ADPGK: variants seen among roughly 807,000 people sequenced by gnomAD.
ADPGK encodes ADP-dependent glucokinase.
In ADPGK, 26 loss-of-function variants were observed where a neutral mutation model predicts 42.4. That is an observed-to-expected ratio of 0.61 (90% CI 0.45 to 0.85). ADPGK has a LOEUF of 0.85. Among genes scored for constraint, ADPGK ranks in the 40% least tolerant of loss-of-function variants. ADPGK has a pLI of 0.00. For missense variants in ADPGK, 571 were observed against 627.0 expected (o/e 0.91, Z 0.95); for synonymous variants, 267 against 252.6 (o/e 1.06, Z -0.54).
intron 2 of ADPGK, 66 bp downstream of exon 2, chr15:72,774,806 T>A (rs1595802949): frequency 6.9e-7 from 1 of 1,445,312 alleles, no homozygotes; most frequent in South Asian, 1.3e-5. Flanking sequence ...CTTGCTTGCT[T>A]CTAGGAACCA....
In ADPGK at chr15:72,752,379, C is replaced by G. The variant is rs753835013; in HGVS notation, c.1456G>C (p.Glu486Gln). ...TVGLGDAISA[E>Q]GLFYSEVHPH... ...TGTACTTCCGAATAGAAGAGTCCTTCGGCTGAAATGGCATCTCCAAGGCCT... is the reference window on the plus strand; with the variant it reads ...TGTACTTCCGAATAGAAGAGTCCTTGGGCTGAAATGGCATCTCCAAGGCCT... Residue 486 changes from glutamate to glutamine, a missense_variant, in exon 7 of 7, where the codon GAA becomes CAA. Around this residue, in one of 2 missense-constraint regions of ADPGK, gnomAD observed 434 missense variants for 522.7 expected, o/e 0.83. Coordinates refer to ENST00000456471, the MANE Select transcript of ADPGK (RefSeq NM_001365225.1). 1 of 1,614,010 alleles carries G rather than the reference C, an allele frequency of 6.2e-7. No individual in the cohort carries two copies. Among genetic ancestry groups the G allele is most frequent in the African/African-American group, 1.3e-5 (1 of 74,940 alleles).
At chr15:72,774,848 T>C (rs1048940385) in intron 2 of ADPGK, 24 bp downstream of exon 2, 1 of 1,581,520 alleles carries the variant, frequency 6.3e-7, no homozygotes, top group Non-Finnish European at 8.6e-7. Flanking sequence ...CACCCTTAAT[T>C]TACTATTGCT....
At chr15:72,758,356 G>A (rs371426093) in intron 4 of ADPGK, 39 of 600,504 alleles carry the variant, frequency 6.5e-5, no homozygotes, top group Admixed American at 9.5e-5. Flanking sequence ...AAACCTCTGC[G>A]TAGTGACTCA....
intron 5 of ADPGK, 35 bp downstream of exon 5, chr15:72,756,216 C>A (rs1221782269): frequency 1.2e-6 from 2 of 1,611,604 alleles, no homozygotes; most frequent in Non-Finnish European, 1.7e-6. Context: ...AAACCACCAG[C>A]TGAGATCTGT....
At chr15:72,757,814 T>C in intron 4 of ADPGK, 1 of 355,578 alleles carries the variant, frequency 2.8e-6, no homozygotes, top group Non-Finnish European at 5.2e-6. Context: ...CCTTGAATAG[T>C]GACACTGCTA....
chr15:72,755,388 A>C (rs1235023326), intron 6 of ADPGK, among the ~76,000 whole-genome samples, 168 bp downstream of exon 6: 1 of 152,230 alleles, frequency 6.6e-6, no homozygotes, highest in Non-Finnish European at 1.5e-5. Context: ...CTGTTTCAGA[A>C]CAGTCCTGGA....
chr15:72,755,059 G>C (rs1162336390), intron 6 of ADPGK, among the ~76,000 whole-genome samples: 1 of 152,194 alleles, frequency 6.6e-6, no homozygotes, highest in Admixed American at 6.5e-5. Context: ...TAACTTGCCT[G>C]AGTTCATGAA....
intron 1 of ADPGK, among the ~76,000 whole-genome samples, chr15:72,778,482 G>A (rs2066416755): frequency 6.6e-6 from 1 of 152,070 alleles, no homozygotes; most frequent in South Asian, 2.1e-4. Context: ...CATCTGACAT[G>A]CAAGCAGAAG....
At chr15:72,778,520 A>G (rs1409690062) in intron 1 of ADPGK, among the ~76,000 whole-genome samples, 10 of 152,138 alleles carry the variant, frequency 6.6e-5, no homozygotes, top group Admixed American at 2.0e-4. Flanking sequence ...AATGTATATT[A>G]GATGACTGTG....
At chr15:72,759,808 A>C (rs1320538608) in intron 4 of ADPGK, among the ~76,000 whole-genome samples, 2 of 152,218 alleles carry the variant, frequency 1.3e-5, no homozygotes, top group African/African-American at 4.8e-5. Flanking sequence ...CCAGATGCCT[A>C]ATCTACGTAA....
At chr15:72,756,640 C>G in intron 4 of ADPGK, 193 bp from the exon 5 acceptor site, 1 of 612,506 alleles carries the variant, frequency 1.6e-6, no homozygotes, top group South Asian at 2.1e-5. Context: ...TAAACCCAAA[C>G]CCAGCCAAGA....
intron 6 of ADPGK, among the ~76,000 whole-genome samples, chr15:72,753,123 A>G (rs1595785852): frequency 6.6e-6 from 1 of 152,326 alleles, no homozygotes; most frequent in Non-Finnish European, 1.5e-5. Flanking sequence ...TTTCAGATGC[A>G]GTCTTTTGTG....
At chr15:72,763,879 T>C (rs1369803012) in intron 3 of ADPGK, among the ~76,000 whole-genome samples, 4 of 152,252 alleles carry the variant, frequency 2.6e-5, no homozygotes, top group Non-Finnish European at 5.9e-5. Flanking sequence ...ATGTCTGTTA[T>C]GGTGATCAGT....
chr15:72,760,677 G>T, intron 3 of ADPGK, 150 bp from the exon 4 acceptor site: 1 of 1,119,306 alleles, frequency 8.9e-7, no homozygotes, highest in Non-Finnish European at 1.2e-6. Flanking sequence ...TGTTGGTCTG[G>T]AGGTGTGCGG....
At position 72,756,263 on chromosome 15, in the gene ADPGK, C is replaced by T; in HGVS notation, c.828G>A (p.Lys276=). 1 of 1,614,230 alleles carries T rather than the reference C, an allele frequency of 6.2e-7. No homozygotes were observed. Among genetic ancestry groups the T allele is most frequent in the Non-Finnish European group, 8.5e-7 (1 of 1,180,034 alleles). ...MEGQSKELQR[K]RLLEVVTSIS... ...ACAGTGCCATTACCTCCAAGAGTCTCTTCCTCTGGAGCTCCTTGCTTTGTC... is the reference window on the plus strand; with the variant it reads ...ACAGTGCCATTACCTCCAAGAGTCTTTTCCTCTGGAGCTCCTTGCTTTGTC... The change falls in exon 5 of 7, where the codon AAG becomes AAA. Residue 276 remains lysine, a synonymous_variant. Coordinates refer to ENST00000456471, the MANE Select transcript of ADPGK (RefSeq NM_001365225.1).
At position 72,756,486 on chromosome 15, in the gene ADPGK, G is replaced by A; in HGVS notation, c.644-39C>T. The A allele has an allele frequency of 2.5e-6, 4 of 1,608,502 alleles. No individual in the cohort carries two copies. The South Asian group carries it at 3.3e-5, about 13-fold the overall frequency. On this transcript the variant is annotated intron_variant, in intron 4 of 6. Transcript: ENST00000456471. ...GTCAACACAATGGGAAGAAAAGGAA[G>A]AGGCTTTAGGTCTCCTAGCTGTGGG...
At chr15:72,765,675 T>C (rs563232404) in intron 3 of ADPGK, among the ~76,000 whole-genome samples, 1 of 152,324 alleles carries the variant, frequency 6.6e-6, no homozygotes, top group South Asian at 2.1e-4. Flanking sequence ...GGACGCCTTT[T>C]GAGATTCAAG....
rs777127837 is a variant in ADPGK, at chr15:72,755,636, C to G, written c.859G>C (p.Asp287His). The change falls in exon 6 of 7, where the codon GAC becomes CAC. Residue 287 changes from aspartate to histidine, a missense_variant. By Grantham distance (81) the Asp-to-His change is moderately conservative (BLOSUM62 -1). This residue lies in a region of ADPGK where 434 missense variants were observed against 522.7 expected (regional missense o/e 0.83). Transcript: ENST00000456471. ...RLLEVVTSIS[D>H]IPTGIPVHLE... Reference sequence around the variant, plus strand: ...TGAACTGGAATACCAGTGGGGATGTCAGAAATGGAGGTTACAACCTGCAAA... The same window carrying G: ...TGAACTGGAATACCAGTGGGGATGTGAGAAATGGAGGTTACAACCTGCAAA... 6.7e-5 allele frequency: 108 copies of G among 1,613,662 alleles called. No homozygotes were observed. The highest frequency in any genetic ancestry group is 8.7e-5 in the Non-Finnish European group (103 of 1,179,774).
At position 72,771,828 on chromosome 15, in the gene ADPGK, A is replaced by G; in HGVS notation, c.477T>C (p.Asn159=). ...FPGAQHYVGG[N]AALIGQKFAA... is the part of the protein sequence containing the mutation. Reference sequence around the variant, plus strand: ...CAAATTTCTGTCCAATTAAAGCTGCATTTCCTCCTACATAGTGCTGTAAGA... The same window carrying G: ...CAAATTTCTGTCCAATTAAAGCTGCGTTTCCTCCTACATAGTGCTGTAAGA... The change falls in exon 3 of 7, where the codon AAT becomes AAC. Residue 159 remains asparagine (N), a synonymous_variant. Coordinates refer to ENST00000456471, the MANE Select transcript of ADPGK (RefSeq NM_001365225.1). 6.2e-7 allele frequency: 1 copy of G among 1,613,324 alleles called. No homozygotes were observed. Among genetic ancestry groups the G allele is most frequent in the Non-Finnish European group, 8.5e-7 (1 of 1,179,566 alleles).
Sources: allele counts gnomAD v4.1 joint callset (sites outside exome capture counted in the v4.1 genomes callset), GRCh38; gene constraint gnomAD v4.1.1; regional missense constraint gnomAD v4.1.1; transcripts MANE v1.5; gene names NCBI Gene and HGNC (gene_info 2026-07-23, HGNC 2026-07-21).